The following CBX7 variants were observed in gnomAD, a reference collection of about 807,000 sequenced individuals.
The protein encoded by CBX7 is chromobox protein homolog 7.
A neutral mutation model predicts 31.4 loss-of-function variants in CBX7; 14 were observed. The ratio of observed to expected loss-of-function variants is 0.45; its 90% CI spans 0.29 to 0.70. The LOEUF (loss-of-function observed/expected upper bound fraction) is 0.70, where lower values mean the gene tolerates loss of function less well. Ranked by LOEUF, CBX7 falls within the 30% of genes least tolerant of loss-of-function variation. The pLI is 0.11. For missense variants in CBX7, 269 were observed against 351.9 expected (o/e 0.76, Z 1.89); for synonymous variants, 159 against 152.6 (o/e 1.04, Z -0.31).
At chr22:39,149,572 G>A (rs1170932568) in intron 2 of CBX7, 19 of 580,956 alleles carry the variant, frequency 3.3e-5, no homozygotes, top group Non-Finnish European at 4.6e-5. Flanking sequence ...CACTCAGGAG[G>A]GCAGGGTGAG....
At chr22:39,146,949 GC>G (rs1930681939) in intron 2 of CBX7, among the ~76,000 whole-genome samples, 1 of 152,064 alleles carries the variant, frequency 6.6e-6, no homozygotes, top group Non-Finnish European at 1.5e-5. Flanking sequence ...CCTGTCCCGG[GC>G]CCCGAGCCCC....
intron 2 of CBX7, chr22:39,148,549 G>A (rs1448114360): frequency 6.6e-6 from 1 of 152,262 alleles, no homozygotes; most frequent in Non-Finnish European, 1.5e-5. Context: ...CCTTCACTCA[G>A]GCTGGAAGCC....
chr22:39,149,468 G>A, intron 2 of CBX7: 1 of 462,768 alleles, frequency 2.2e-6, no homozygotes, highest in Non-Finnish European at 3.9e-6. Flanking sequence ...ATCTCCAGTA[G>A]CCCGGATGCT....
chr22:39,146,584 C>G (rs768222088), intron 2 of CBX7, among the ~76,000 whole-genome samples: 1 of 152,228 alleles, frequency 6.6e-6, no homozygotes, highest in Non-Finnish European at 1.5e-5. Context: ...GTGGAGTTGC[C>G]TGTGTATCAG....
intron 2 of CBX7, among the ~76,000 whole-genome samples, chr22:39,146,529 T>A (rs932270940): frequency 6.6e-6 from 1 of 152,264 alleles, no homozygotes; most frequent in African/African-American, 2.4e-5. Context: ...CACTTCTCAC[T>A]GAACTGGCCA....
chr22:39,151,408 G>C (rs973495044), intron 1 of CBX7, among the ~76,000 whole-genome samples: 1 of 152,158 alleles, frequency 6.6e-6, no homozygotes, highest in Non-Finnish European at 1.5e-5. Context: ...GCCCAGTTGA[G>C]CTCCTGCTCT....
Position 39,138,130 on chromosome 22 carries a change from A to G in CBX7, c.246+506T>C, listed in dbSNP as rs985422715. ...CGGGAGGTGGAGCTTGCAGTGAGCC[A>G]AGATCGCGCGCCACTGCACTCCAGC... On this transcript the variant is annotated intron_variant, in intron 4 of 5. Transcript: ENST00000216133. Among the ~76,000 whole-genome samples, 12 of 151,602 alleles carry G rather than the reference A, an allele frequency of 7.9e-5. No individual in the cohort carries two copies. The East Asian group carries it at 1.7e-3, about 22-fold the overall frequency.
At chr22:39,150,789 C>A in intron 1 of CBX7, among the ~76,000 whole-genome samples, 1 of 151,958 alleles carries the variant, frequency 6.6e-6, no homozygotes, top group Non-Finnish European at 1.5e-5. Context: ...AAAAAGTTTA[C>A]AGTCCAACCC....
chr22:39,145,221 G>A (rs1196822704), intron 2 of CBX7, among the ~76,000 whole-genome samples: 2 of 152,224 alleles, frequency 1.3e-5, no homozygotes, highest in Non-Finnish European at 2.9e-5. Flanking sequence ...CAAGTGGGGG[G>A]CAGGGGCGGC....
intron 2 of CBX7, among the ~76,000 whole-genome samples, chr22:39,145,708 C>T (rs1258042370): frequency 2.7e-5 from 4 of 147,162 alleles, no homozygotes; most frequent in East Asian, 2.0e-4. Context: ...CCGGGATTAC[C>T]GGCAAACCGA....
At chr22:39,151,029 G>C (rs890129950) in intron 1 of CBX7, among the ~76,000 whole-genome samples, 2 of 152,178 alleles carry the variant, frequency 1.3e-5, no homozygotes, top group African/African-American at 4.8e-5. Context: ...GATCCCTGGG[G>C]CTTAGACTGG....
rs569923650 is a variant in CBX7 at position 39,134,136 on chromosome 22, CCT to C, written c.599-90_599-89del. The C allele has an allele frequency of 1.9e-4, 260 of 1,347,212 alleles. 3 individuals carry two copies. In the South Asian group the frequency reaches 3.3e-3, roughly 17 times the overall value. The allele number at this position is 1,347,212 out of a possible 1,614,324, so 83.5% of individuals were successfully genotyped here. A position where few individuals can be genotyped will look rare whatever the true frequency, so the allele number is the denominator to read the frequency against. On this transcript the variant is annotated intron_variant, in intron 5 of 5. Coordinates refer to ENST00000216133, the MANE Select transcript of CBX7 (RefSeq NM_175709.5). Reference sequence around the variant, plus strand: ...CAACCCGACCCCAACTCCAGCTCCTCCTCTCTGTGTCTTCAGTCAGCTCAGGG... The same window carrying C: ...CAACCCGACCCCAACTCCAGCTCCTCCTCTGTGTCTTCAGTCAGCTCAGGG...
In CBX7 at chr22:39,134,354, T is replaced by C. The variant is rs561497187; in HGVS notation, c.598+47A>G. The C allele has an allele frequency of 6.5e-5, 95 of 1,465,800 alleles. No individual in the cohort carries two copies. The African/African-American group carries it at 9.3e-4, about 14-fold the overall frequency. The allele number at this position is 1,465,800 out of a possible 1,614,324, so 90.8% of individuals were successfully genotyped here. A position where few individuals can be genotyped will look rare whatever the true frequency, so the allele number is the denominator to read the frequency against. On this transcript the variant is annotated intron_variant, in intron 5 of 5. Transcript: ENST00000216133. ...TGAACCAGCTGGACCTTATGACCCA[T>C]AGGGCCCTTTCCAGCTCTGAGGGTC...
chr22:39,152,002 G>C lies in CBX7; in HGVS notation c.69+374C>G, dbSNP rs537306991. 6.6e-6 allele frequency among the ~76,000 whole-genome samples: 1 copy of C among 152,300 alleles called. No homozygotes were observed. The highest frequency in any genetic ancestry group is 1.5e-5 in the Non-Finnish European group (1 of 68,020). On this transcript the variant is annotated intron_variant, in intron 1 of 5. Transcript: ENST00000216133. The surrounding 1 kb of genome is among the most constrained non-coding windows in gnomAD (Gnocchi z 4.9). Reference sequence around the variant, plus strand: ...GAAAGGATTTGGTGCCAAGCGTCCAGAGTCCCGAGTTCAAAACCCAGCTCT... The same window carrying C: ...GAAAGGATTTGGTGCCAAGCGTCCACAGTCCCGAGTTCAAAACCCAGCTCT...
At chr22:39,144,870 G>A (rs889874834) in intron 2 of CBX7, among the ~76,000 whole-genome samples, 20 of 152,240 alleles carry the variant, frequency 1.3e-4, no homozygotes, top group Non-Finnish European at 2.5e-4. Context: ...GCGCTGGCGA[G>A]GTAGGTGCTT....
chr22:39,142,797 G>A (rs1174780948), intron 2 of CBX7, among the ~76,000 whole-genome samples: 3 of 151,994 alleles, frequency 2.0e-5, no homozygotes, highest in African/African-American at 7.3e-5. Flanking sequence ...TTCTGTCCGT[G>A]ACGGCCTGCG....
chr22:39,149,116 GGTCTC>G (rs1930763102), intron 2 of CBX7: 3 of 152,334 alleles, frequency 2.0e-5, no homozygotes, highest in Non-Finnish European at 4.4e-5. Flanking sequence ...GAAGCTGGGA[GGTCTC>G]AGATACAGCT....
In CBX7 at chr22:39,133,812, G is replaced by T; in HGVS notation, c.*79C>A. 1 of 1,285,152 alleles carries T rather than the reference G, an allele frequency of 7.8e-7. No individual in the cohort carries two copies. The highest frequency in any genetic ancestry group is 1.1e-6 in the Non-Finnish European group (1 of 950,546). The allele number at this position is 1,285,152 out of a possible 1,614,324, so 79.6% of individuals were successfully genotyped here. ...TTTTTTTAAATAAAATAATTACCCC[G>T]CCCCCAACCCATCCCTATCTCTGGA... On this transcript the variant is annotated 3_prime_UTR_variant, in exon 6 of 6. Transcript: ENST00000216133.
intron 2 of CBX7, among the ~76,000 whole-genome samples, chr22:39,144,329 T>C (rs1362893366): frequency 6.6e-6 from 1 of 152,176 alleles, no homozygotes; most frequent in Non-Finnish European, 1.5e-5. Context: ...AGTCAACTCC[T>C]AGCCGACCCT....
Sources: allele counts gnomAD v4.1 joint callset (sites outside exome capture counted in the v4.1 genomes callset), GRCh38; gene constraint gnomAD v4.1.1; non-coding constraint Gnocchi (gnomAD v3.1); transcripts MANE v1.5; gene names NCBI Gene and HGNC (gene_info 2026-07-23, HGNC 2026-07-21).